The following MMP26 variants were observed in gnomAD, a reference collection of about 807,000 sequenced individuals.
MMP26 encodes the protein matrix metallopeptidase 26, also known as matrix metalloproteinase-26.
Under a neutral mutation model 31.0 loss-of-function variants are expected in MMP26, and 33 were observed. That is an observed-to-expected ratio of 1.06 (90% CI 0.81 to 1.42). The LOEUF (loss-of-function observed/expected upper bound fraction) is 1.42, where lower values mean the gene tolerates loss of function less well. Among genes scored for constraint, MMP26 ranks in the 40% most tolerant of loss-of-function variants. MMP26 has a pLI of 0.00. For missense variants in MMP26, 347 were observed against 316.1 expected (o/e 1.10, Z -0.74); for synonymous variants, 122 against 114.9 (o/e 1.06, Z -0.40).
chr11:4,776,543 T>G (rs918330547), intron 2 of MMP26, among the ~76,000 whole-genome samples: 2 of 152,162 alleles, frequency 1.3e-5, no homozygotes, highest in African/African-American at 4.8e-5. Flanking sequence ...TGATGATTAG[T>G]GATATGGTTT....
intron 2 of MMP26, among the ~76,000 whole-genome samples, chr11:4,910,762 T>C (rs1471532821): frequency 2.0e-5 from 3 of 152,140 alleles, no homozygotes; most frequent in Non-Finnish European, 4.4e-5. Flanking sequence ...ACTTGGCACA[T>C]ATTTGGACAA....
intron 2 of MMP26, among the ~76,000 whole-genome samples, chr11:4,836,111 C>A (rs1373679147): frequency 6.6e-6 from 1 of 152,010 alleles, no homozygotes; most frequent in Non-Finnish European, 1.5e-5. Flanking sequence ...TACATTTAAT[C>A]TATAAATATA....
At chr11:4,969,147 G>A (rs189177210) in intron 2 of MMP26, among the ~76,000 whole-genome samples, 35 of 151,924 alleles carry the variant, frequency 2.3e-4, no homozygotes, top group Admixed American at 2.0e-3. Flanking sequence ...GCCCAGATTC[G>A]GTAACAGGAT....
At chr11:4,803,194 G>GATA (rs1433188898) in intron 2 of MMP26, among the ~76,000 whole-genome samples, 1 of 152,060 alleles carries the variant, frequency 6.6e-6, no homozygotes. Flanking sequence ...TACTTTTATT[G>GATA]TTTCCATGTG....
At chr11:4,745,750 C>T (rs1268604351) in intron 1 of MMP26, among the ~76,000 whole-genome samples, 2 of 152,082 alleles carry the variant, frequency 1.3e-5, no homozygotes, top group Admixed American at 6.5e-5. Context: ...GTCCTCTGTG[C>T]TCTGTCTATT....
At chr11:4,730,771 C>G (rs1196787167) in intron 1 of MMP26, among the ~76,000 whole-genome samples, 2 of 152,010 alleles carry the variant, frequency 1.3e-5, no homozygotes, top group African/African-American at 2.4e-5. Context: ...CAAGAACTCC[C>G]AAGGATAGCT....
intron 2 of MMP26, among the ~76,000 whole-genome samples, chr11:4,826,923 C>T (rs563237886): frequency 2.0e-5 from 3 of 152,234 alleles, no homozygotes; most frequent in South Asian, 4.1e-4. Flanking sequence ...TCCATTGGAT[C>T]CTTTTTCCCA....
chr11:4,918,565 T>TC (rs1851133523), intron 2 of MMP26, among the ~76,000 whole-genome samples: 1 of 152,138 alleles, frequency 6.6e-6, no homozygotes. Flanking sequence ...CAGAGAGTTC[T>TC]TAGTATGATA....
chr11:4,770,974 G>GA (rs1394562297), intron 2 of MMP26, among the ~76,000 whole-genome samples: 6 of 152,118 alleles, frequency 3.9e-5, no homozygotes, highest in Non-Finnish European at 5.9e-5. Flanking sequence ...AGCGATCCCA[G>GA]AAAAAACAGT....
intron 1 of MMP26, among the ~76,000 whole-genome samples, chr11:4,739,182 G>A (rs1028557489): frequency 1.3e-5 from 2 of 152,072 alleles, no homozygotes; most frequent in Non-Finnish European, 2.9e-5. Flanking sequence ...GCCCAATATT[G>A]TTGCAATTAT....
At chr11:4,876,942 C>A in intron 2 of MMP26, 1 of 155,868 alleles carries the variant, frequency 6.4e-6, no homozygotes. Flanking sequence ...TGTGGCCATC[C>A]GCTTTCCTTT....
chr11:4,974,986 A>C (rs1017249567), intron 2 of MMP26, among the ~76,000 whole-genome samples: 2 of 151,988 alleles, frequency 1.3e-5, no homozygotes, highest in African/African-American at 4.8e-5. Flanking sequence ...GAGTATTAGG[A>C]GAAATAGCTA....
chr11:4,871,750 G>A (rs1850313455), intron 2 of MMP26: 1 of 152,094 alleles, frequency 6.6e-6, no homozygotes, highest in African/African-American at 2.4e-5. Context: ...GGTGAGTTGG[G>A]GAAAAATCTG....
chr11:4,967,139 T>C (rs1445895891), intron 2 of MMP26, among the ~76,000 whole-genome samples: 1 of 152,202 alleles, frequency 6.6e-6, no homozygotes, highest in African/African-American at 2.4e-5. Context: ...TAATGCCAAG[T>C]CAGAAGGGTA....
rs34206154 is a variant in MMP26 at position 4,789,435 on chromosome 11, A to AT, written c.-145+22103dup. ...GTAGCAGGTTCCTGACTATATTCCC[A>AT]TTTTTTTTTGACAGGAATAGAGCTA... is the stretch of plus-strand genomic sequence containing the variant. On this transcript the variant is annotated intron_variant, in intron 2 of 7. Transcript: ENST00000380390. Among the ~76,000 whole-genome samples the AT allele has an allele frequency of 2.0e-3, 289 of 142,336 alleles. 2 individuals are homozygous for AT. The highest frequency in any genetic ancestry group is 5.1e-3 in the African/African-American group (196 of 38,162). The allele number at this position is 142,336 out of a possible 152,430, so 93.4% of individuals were successfully genotyped here. A position where few individuals can be genotyped will look rare whatever the true frequency, so the allele number is the denominator to read the frequency against.
chr11:4,848,371 G>A, intron 2 of MMP26: 1 of 1,614,144 alleles, frequency 6.2e-7, no homozygotes, highest in South Asian at 1.1e-5. Flanking sequence ...AGAAGAGTAT[G>A]GGTATGCTGA....
intron 1 of MMP26, chr11:4,709,781 G>A (rs772412992): frequency 2.2e-5 from 10 of 458,202 alleles, no homozygotes; most frequent in Admixed American, 2.1e-4. Context: ...TATCCTTCAT[G>A]GACCTAGGTC....
At chr11:4,935,328 C>G (rs1228238595) in intron 2 of MMP26, among the ~76,000 whole-genome samples, 1 of 151,652 alleles carries the variant, frequency 6.6e-6, no homozygotes, top group Non-Finnish European at 1.5e-5. Context: ...ATTTTATTCT[C>G]TTTGAAGCAA....
intron 1 of MMP26, among the ~76,000 whole-genome samples, chr11:4,731,571 C>T (rs1848174421): frequency 6.6e-6 from 1 of 152,158 alleles, no homozygotes; most frequent in African/African-American, 2.4e-5. Context: ...TCTCCTTCCA[C>T]ACTGATGTTT....
Sources: allele counts gnomAD v4.1 joint callset (sites outside exome capture counted in the v4.1 genomes callset), GRCh38; gene constraint gnomAD v4.1.1; transcripts MANE v1.5; gene names NCBI Gene and HGNC (gene_info 2026-07-23, HGNC 2026-07-21).